SLC24A2: variants seen among roughly 807,000 people sequenced by gnomAD.
SLC24A2 encodes the protein solute carrier family 24 member 2.
In SLC24A2, 36 loss-of-function variants were observed where a neutral mutation model predicts 62.0. That is an observed-to-expected ratio of 0.58 (90% CI 0.44 to 0.77). The LOEUF (loss-of-function observed/expected upper bound fraction) is 0.77, where lower values mean the gene tolerates loss of function less well. SLC24A2 is among the 30% of genes least tolerant of loss of function. SLC24A2 has a pLI of 0.00. For missense variants in SLC24A2, 846 were observed against 817.9 expected, an observed-to-expected ratio of 1.03 and a Z score of -0.42; for synonymous variants, 358 against 294.0, an observed-to-expected ratio of 1.22 and a Z score of -2.23.
chr9:20,097,780 T>C, the SLC24A2 span, among the ~76,000 whole-genome samples: 1 of 119,470 alleles, frequency 8.4e-6, no homozygotes, highest in Non-Finnish European at 1.6e-5. Flanking sequence ...TCTTGCTCTG[T>C]CACCCAGGCT....
the SLC24A2 span, among the ~76,000 whole-genome samples, chr9:19,986,051 T>C: frequency 6.6e-6 from 1 of 152,124 alleles, no homozygotes; most frequent in African/African-American, 2.4e-5. Context: ...GTATCCAGAA[T>C]AGATAAAGAA....
At chr9:20,247,244 T>G in the SLC24A2 span, among the ~76,000 whole-genome samples, 1 of 152,088 alleles carries the variant, frequency 6.6e-6, no homozygotes, top group Non-Finnish European at 1.5e-5. Flanking sequence ...AACCAACAGA[T>G]TATTTTCTTT....
the SLC24A2 span, among the ~76,000 whole-genome samples, chr9:20,066,418 AG>A: frequency 6.6e-6 from 1 of 152,176 alleles, no homozygotes; most frequent in Admixed American, 6.5e-5. Flanking sequence ...AGAATTAGAA[AG>A]GGGGGAAACG....
At chr9:19,760,562 T>C (rs1490106951) in intron 2 of SLC24A2, among the ~76,000 whole-genome samples, 1 of 151,772 alleles carries the variant, frequency 6.6e-6, no homozygotes, top group African/African-American at 2.4e-5. Context: ...TTCCCCTCCC[T>C]ATGCCCATAT....
At chr9:19,737,710 C>T (rs1007330817) in intron 2 of SLC24A2, among the ~76,000 whole-genome samples, 54 of 151,572 alleles carry the variant, frequency 3.6e-4, no homozygotes, top group African/African-American at 1.2e-3. Flanking sequence ...CAACATTATA[C>T]GTTAAAATTA....
chr9:19,569,188 G>A (rs1219953282), intron 7 of SLC24A2, among the ~76,000 whole-genome samples: 1 of 152,096 alleles, frequency 6.6e-6, no homozygotes, highest in Non-Finnish European at 1.5e-5. Flanking sequence ...TGTCACATAT[G>A]CTGCTATTGC....
At chr9:20,269,147 C>T in the SLC24A2 span, among the ~76,000 whole-genome samples, 8 of 152,086 alleles carry the variant, frequency 5.3e-5, no homozygotes, top group Admixed American at 3.9e-4. Context: ...TTATGCCCCA[C>T]CTAAGTTGGT....
intron 2 of SLC24A2, among the ~76,000 whole-genome samples, chr9:19,783,362 C>T (rs1587321260): frequency 6.6e-6 from 1 of 152,174 alleles, no homozygotes; most frequent in Admixed American, 6.5e-5. Context: ...ATTTTGCTTC[C>T]TAAATTCTTG....
the SLC24A2 span, among the ~76,000 whole-genome samples, chr9:20,116,741 T>G: frequency 6.6e-6 from 1 of 152,118 alleles, no homozygotes; most frequent in Non-Finnish European, 1.5e-5. Context: ...AAGAAATGAA[T>G]TCTAGAAGCT....
the SLC24A2 span, among the ~76,000 whole-genome samples, chr9:19,864,808 A>G: frequency 6.6e-6 from 1 of 152,134 alleles, no homozygotes; most frequent in Admixed American, 6.5e-5. Flanking sequence ...CATCATTGTT[A>G]TTCAACATAG....
intron 4 of SLC24A2, among the ~76,000 whole-genome samples, chr9:19,605,450 C>G (rs1703894601): frequency 6.6e-6 from 1 of 152,098 alleles, no homozygotes; most frequent in South Asian, 2.1e-4. Context: ...CAGGAGAACT[C>G]TGTAAATACA....
At chr9:20,102,087 C>A in the SLC24A2 span, among the ~76,000 whole-genome samples, 1 of 152,286 alleles carries the variant, frequency 6.6e-6, no homozygotes, top group East Asian at 1.9e-4. Flanking sequence ...CATGATCAAA[C>A]CTTGGGTACT....
intron 2 of SLC24A2, among the ~76,000 whole-genome samples, chr9:19,784,819 G>A (rs1823114488): frequency 6.6e-6 from 1 of 152,164 alleles, no homozygotes; most frequent in African/African-American, 2.4e-5. Flanking sequence ...AATATTGCTA[G>A]TGTTTTATCC....
At chr9:19,977,830 T>A in the SLC24A2 span, among the ~76,000 whole-genome samples, 2 of 152,176 alleles carry the variant, frequency 1.3e-5, no homozygotes, top group Non-Finnish European at 2.9e-5. Flanking sequence ...AGGAGAAATC[T>A]AGGGCAGGTG....
At chr9:19,750,456 T>C (rs1160452487) in intron 2 of SLC24A2, among the ~76,000 whole-genome samples, 2 of 152,024 alleles carry the variant, frequency 1.3e-5, no homozygotes, top group African/African-American at 2.4e-5. Context: ...CATCTCCAAA[T>C]GCCACTGCCC....
At chr9:19,856,434 C>T in the SLC24A2 span, among the ~76,000 whole-genome samples, 6 of 152,064 alleles carry the variant, frequency 3.9e-5, no homozygotes, top group Non-Finnish European at 5.9e-5. Context: ...TATCTACCTT[C>T]GAACTTTGAG....
chr9:20,222,704 G>T, the SLC24A2 span, among the ~76,000 whole-genome samples: 6 of 152,052 alleles, frequency 3.9e-5, no homozygotes, highest in Non-Finnish European at 8.8e-5. Flanking sequence ...TACCCCTTAA[G>T]TACAGATTAA....
the SLC24A2 span, among the ~76,000 whole-genome samples, chr9:20,290,473 T>C: frequency 6.6e-6 from 1 of 152,362 alleles, no homozygotes; most frequent in Non-Finnish European, 1.5e-5. Context: ...CTCTAAGCAG[T>C]TGCTGATATC....
chr9:19,580,558 G>A (rs1340198148), intron 5 of SLC24A2, among the ~76,000 whole-genome samples: 1 of 152,204 alleles, frequency 6.6e-6, no homozygotes, highest in Non-Finnish European at 1.5e-5. Context: ...GATCCTCTCT[G>A]CCTTGGGGTA....
Sources: gnomAD v4.1 joint callset for allele counts (sites outside exome capture counted in the v4.1 genomes callset) on GRCh38, gnomAD v4.1.1 for gene constraint, MANE v1.5 for transcripts, NCBI Gene and HGNC (gene_info 2026-07-23, HGNC 2026-07-21) for gene names.